Variants in PAPPA observed in about 807,000 individuals in gnomAD.
The protein encoded by PAPPA is pappalysin 1, also known as pappalysin-1.
PAPPA carries 60 observed loss-of-function variants against 164.0 expected under a neutral mutation model. That is an observed-to-expected ratio of 0.37 (90% CI 0.30 to 0.45). The LOEUF (loss-of-function observed/expected upper bound fraction) is 0.45, where lower values mean the gene tolerates loss of function less well. Ranked by LOEUF, PAPPA falls within the 20% of genes least tolerant of loss-of-function variation. PAPPA has a pLI of 1.00. For synonymous variants in PAPPA, 875 were observed against 814.1 expected (o/e 1.07, Z -1.27); for missense variants, 1,782 against 2,087.3 (o/e 0.85, Z 2.85).
intron 10 of PAPPA, among the ~76,000 whole-genome samples, chr9:116,319,563 A>T (rs983950940): frequency 6.6e-6 from 1 of 152,216 alleles, no homozygotes; most frequent in Admixed American, 6.5e-5. Flanking sequence ...TCTCCCCATC[A>T]CAGTGACATA....
At chr9:116,338,630 C>T (rs989789245) in intron 13 of PAPPA, among the ~76,000 whole-genome samples, 1 of 152,206 alleles carries the variant, frequency 6.6e-6, no homozygotes, top group Non-Finnish European at 1.5e-5. Flanking sequence ...ACTTCCCCAA[C>T]CCACAAAGGA....
Position 116,347,909 on chromosome 9 carries a change from T to A in PAPPA, c.3964+700T>A, listed in dbSNP as rs373111294. ...GAATGCTGGGACTAGATGTGGAATG[T>A]GTTAATAACTCCAGACTAGGAAATC... On this transcript the variant is annotated intron_variant, in intron 15 of 21. Coordinates refer to ENST00000328252, the MANE Select transcript of PAPPA (RefSeq NM_002581.5). The surrounding 1 kb of genome is among the most constrained non-coding windows in gnomAD (Gnocchi z 4.5). 5.3e-4 allele frequency among the ~76,000 whole-genome samples: 81 copies of A among 152,334 alleles called. 1 individual carries two copies. In the South Asian group the frequency reaches 0.014, roughly 27 times the overall value.
intron 7 of PAPPA, among the ~76,000 whole-genome samples, chr9:116,241,308 G>T (rs1844732905): frequency 6.6e-6 from 1 of 152,130 alleles, no homozygotes; most frequent in Admixed American, 6.6e-5. Flanking sequence ...TTATCCTGTA[G>T]TTGGGAGAGA....
intron 16 of PAPPA, among the ~76,000 whole-genome samples, 170 bp from the exon 17 acceptor site, chr9:116,353,452 T>G (rs1413560522): frequency 1.3e-5 from 2 of 152,232 alleles, no homozygotes; most frequent in Non-Finnish European, 2.9e-5. Flanking sequence ...AGGAGTTCTG[T>G]GGATGAATTA....
At position 116,224,853 on chromosome 9, in the gene PAPPA, C is replaced by T. The variant is rs533921214; in HGVS notation, c.2112-2578C>T. ...AAGTAAGAAAGATGAGCTCTCCCAGCTTTGGTATCCTGCATGTCTATGATT... is the reference window on the plus strand; with the variant it reads ...AAGTAAGAAAGATGAGCTCTCCCAGTTTTGGTATCCTGCATGTCTATGATT... On this transcript the variant is annotated intron_variant, in intron 5 of 21. Transcript: ENST00000328252. Among the ~76,000 whole-genome samples, 16 of 152,282 alleles carry T rather than the reference C, an allele frequency of 1.1e-4. No homozygotes were observed. In the South Asian group the frequency reaches 3.3e-3, roughly 32 times the overall value.
chr9:116,307,770 C>G (rs1198304424), intron 10 of PAPPA, among the ~76,000 whole-genome samples: 5 of 152,016 alleles, frequency 3.3e-5, no homozygotes, highest in Non-Finnish European at 7.4e-5. Context: ...AAGTAGAAAT[C>G]ATGCAGATCT....
At chr9:116,176,637 T>G (rs1843837989) in intron 1 of PAPPA, among the ~76,000 whole-genome samples, 1 of 152,132 alleles carries the variant, frequency 6.6e-6, no homozygotes, top group South Asian at 2.1e-4. Flanking sequence ...CTCTCTCCTG[T>G]TAGTCTGTGA....
chr9:116,271,177 T>C lies in PAPPA; in HGVS notation c.2862-148T>C. On this transcript the variant is annotated intron_variant, in intron 8 of 21. Transcript: ENST00000328252. The surrounding 1 kb of genome is among the most constrained non-coding windows in gnomAD (Gnocchi z 4.2). ...ATCCATACCTTTTAGAAATCTCATT[T>C]TGAAGATGAAGAAGCAGAGACTCAG... 1.6e-6 allele frequency: 1 copy of C among 619,738 alleles called. No individual in the cohort carries two copies. The highest frequency in any genetic ancestry group is 2.9e-6 in the Non-Finnish European group (1 of 345,754). The allele number at this position is 619,738 out of a possible 1,614,324, so 38.4% of individuals were successfully genotyped here. A position where few individuals can be genotyped will look rare whatever the true frequency, so the allele number is the denominator to read the frequency against.
chr9:116,317,194 T>TA (rs936001548), intron 10 of PAPPA, among the ~76,000 whole-genome samples: 1 of 152,150 alleles, frequency 6.6e-6, no homozygotes, highest in African/African-American at 2.4e-5. Context: ...TGTTTTTAAG[T>TA]AAAAAATCAT....
At chr9:116,376,407 A>G (rs1588026814) in intron 19 of PAPPA, among the ~76,000 whole-genome samples, 2 of 152,290 alleles carry the variant, frequency 1.3e-5, no homozygotes, top group East Asian at 1.9e-4. Flanking sequence ...CCCACTTTTT[A>G]AAATATCATC....
At position 116,235,467 on chromosome 9, in the gene PAPPA, A is replaced by G. The variant is rs768085893; in HGVS notation, c.2562A>G (p.Gln854=). 3.1e-6 allele frequency: 5 copies of G among 1,611,082 alleles called. No homozygotes were observed. Among genetic ancestry groups the G allele is most frequent in the Non-Finnish European group, 3.4e-6 (4 of 1,178,904 alleles). The change falls in exon 7 of 22, where the codon CAA becomes CAG. Residue 854 remains glutamine, a synonymous_variant. Coordinates refer to ENST00000328252, the MANE Select transcript of PAPPA (RefSeq NM_002581.5). ...TGGGCGAGGAGGTGTATGGCATCCA[A>G]ATCTACACGCTGGATGAGCACCTGG... ...WDVGEEVYGI[Q]IYTLDEHLEI...
chr9:116,367,822 C>CTA, intron 19 of PAPPA, 68 bp downstream of exon 19: 1 of 1,038,914 alleles, frequency 9.6e-7, no homozygotes, highest in Non-Finnish European at 1.5e-6. Context: ...TGAGCACTTG[C>CTA]TATGTCCCGG....
Position 116,397,825 on chromosome 9 carries a change from T to G in PAPPA, c.*1209T>G, listed in dbSNP as rs999889981. 2.6e-5 allele frequency: 4 copies of G among 152,676 alleles called. No individual in the cohort carries two copies. The highest frequency in any genetic ancestry group is 9.7e-5 in the African/African-American group (4 of 41,450). 9.5% of individuals were successfully genotyped at this position (152,676 alleles called of 1,614,324 possible). On this transcript the variant is annotated 3_prime_UTR_variant, in exon 22 of 22. Transcript: ENST00000328252. ...TGTCGAGACTTTTGGATTATTATCC[T>G]TATCCTTATCCTAATCTTCCTAGCC...
chr9:116,336,048 T>C (rs1386409673), intron 13 of PAPPA, among the ~76,000 whole-genome samples: 1 of 152,192 alleles, frequency 6.6e-6, no homozygotes, highest in African/African-American at 2.4e-5. Context: ...GCATCTGACA[T>C]GTCCAAACTT....
chr9:116,255,765 G>C (rs994172587), intron 7 of PAPPA, among the ~76,000 whole-genome samples: 1 of 151,850 alleles, frequency 6.6e-6, no homozygotes, highest in African/African-American at 2.4e-5. Flanking sequence ...CCCCTGAAAC[G>C]ACCCCTGAAA....
intron 19 of PAPPA, among the ~76,000 whole-genome samples, chr9:116,374,023 GTGA>G (rs781327145): frequency 6.6e-6 from 1 of 151,404 alleles, no homozygotes; most frequent in African/African-American, 2.4e-5. Context: ...GATACTGATG[GTGA>G]TGATGATATT....
intron 9 of PAPPA, among the ~76,000 whole-genome samples, chr9:116,272,337 G>A (rs1455681234): frequency 2.0e-5 from 3 of 152,230 alleles, no homozygotes; most frequent in Non-Finnish European, 4.4e-5. Flanking sequence ...TATCTGAAGA[G>A]AGAAGGGGCA....
intron 7 of PAPPA, among the ~76,000 whole-genome samples, chr9:116,247,860 C>A (rs962796262): frequency 3.9e-5 from 6 of 152,138 alleles, no homozygotes; most frequent in Non-Finnish European, 7.3e-5. Flanking sequence ...CCAGCACCAG[C>A]CTTGCTGTGG....
At chr9:116,263,033 T>C (rs938014752) in intron 7 of PAPPA, among the ~76,000 whole-genome samples, 1 of 152,226 alleles carries the variant, frequency 6.6e-6, no homozygotes, top group Admixed American at 6.5e-5. Context: ...CCCATCCCAC[T>C]GTCCCCACCT....
Sources: allele counts gnomAD v4.1 joint callset (sites outside exome capture counted in the v4.1 genomes callset), GRCh38; gene constraint gnomAD v4.1.1; non-coding constraint Gnocchi (gnomAD v3.1); transcripts MANE v1.5; gene names NCBI Gene and HGNC (gene_info 2026-07-23, HGNC 2026-07-21).